The following SSR1 variants were observed in gnomAD, a reference collection of about 807,000 sequenced individuals.
SSR1 encodes the protein signal sequence receptor subunit 1.
In SSR1, 13 loss-of-function variants were observed where a neutral mutation model predicts 36.1. The observed-to-expected ratio is 0.36, with a 90% CI of 0.23 to 0.57. The LOEUF (loss-of-function observed/expected upper bound fraction) is 0.57, where lower values mean the gene tolerates loss of function less well. Among genes scored for constraint, SSR1 ranks in the 20% least tolerant of loss-of-function variants. The pLI is 0.81. For missense variants in SSR1, 291 were observed against 338.5 expected, an observed-to-expected ratio of 0.86 and a Z score of 1.10; for synonymous variants, 113 against 118.9, an observed-to-expected ratio of 0.95 and a Z score of 0.32.
intron 5 of SSR1, among the ~76,000 whole-genome samples, chr6:7,298,217 T>C (rs748539922): frequency 3.9e-5 from 6 of 152,186 alleles, no homozygotes; most frequent in African/African-American, 9.7e-5. Context: ...TGATTGAAAA[T>C]AGAATTACAA....
At chr6:7,302,487 C>T (rs1408399101) in intron 3 of SSR1, among the ~76,000 whole-genome samples, 1 of 152,154 alleles carries the variant, frequency 6.6e-6, no homozygotes, top group Non-Finnish European at 1.5e-5. Flanking sequence ...AGGCACTGGC[C>T]GGGTGTGGTG....
intron 1 of SSR1, 117 bp downstream of exon 1, chr6:7,312,925 G>A (rs1475518380): frequency 1.1e-5 from 12 of 1,049,734 alleles, no homozygotes; most frequent in Admixed American, 8.1e-5. Flanking sequence ...GCGGAGAGAG[G>A]CCAGCGGGGT....
chr6:7,299,862 C>G (rs1466813343), intron 4 of SSR1, among the ~76,000 whole-genome samples: 1 of 152,142 alleles, frequency 6.6e-6, no homozygotes, highest in Admixed American at 6.5e-5. Context: ...CTATTCTTCA[C>G]AAAGGTAGTA....
intron 1 of SSR1, among the ~76,000 whole-genome samples, chr6:7,311,372 A>T (rs1279912366): frequency 6.6e-6 from 1 of 152,264 alleles, no homozygotes; most frequent in African/African-American, 2.4e-5. Flanking sequence ...TGGATAAAAA[A>T]CATGGGAAGG....
At chr6:7,306,788 C>T (rs533831754) in intron 2 of SSR1, among the ~76,000 whole-genome samples, 1,840 of 151,494 alleles carry the variant, frequency 0.012, 20 homozygotes, top group Non-Finnish European at 0.017. Context: ...TGGTGGCGGG[C>T]GCCTATAATC....
At chr6:7,292,568 A>C (rs562088432) in intron 7 of SSR1, among the ~76,000 whole-genome samples, 1 of 151,564 alleles carries the variant, frequency 6.6e-6, no homozygotes, top group East Asian at 1.9e-4. Context: ...TTTTTCTCTT[A>C]GAGATGGGAG....
chr6:7,312,599 T>C (rs1396336644), intron 1 of SSR1, among the ~76,000 whole-genome samples: 1 of 152,140 alleles, frequency 6.6e-6, no homozygotes, highest in Non-Finnish European at 1.5e-5. Context: ...GCGTGGAAGC[T>C]AAAGACACGT....
chr6:7,308,360 A>G (rs917296189), intron 2 of SSR1, among the ~76,000 whole-genome samples: 2 of 152,238 alleles, frequency 1.3e-5, no homozygotes, highest in African/African-American at 4.8e-5. Flanking sequence ...AGTAAGTCAA[A>G]AAAGAAGCAG....
chr6:7,298,044 G>T, intron 5 of SSR1, 43 bp from the exon 6 acceptor site: 1 of 1,416,938 alleles, frequency 7.1e-7, no homozygotes, highest in Non-Finnish European at 9.9e-7. Context: ...TAATTCAGAG[G>T]AAATACCACG....
At chr6:7,310,168 T>A in intron 1 of SSR1, 139 bp from the exon 2 acceptor site, 1 of 612,088 alleles carries the variant, frequency 1.6e-6, no homozygotes, top group South Asian at 2.0e-5. Flanking sequence ...CCAATTACAA[T>A]GCACCGAAGA....
intron 4 of SSR1, among the ~76,000 whole-genome samples, chr6:7,299,570 T>C (rs970757457): frequency 2.0e-5 from 3 of 151,924 alleles, no homozygotes; most frequent in African/African-American, 7.3e-5. Flanking sequence ...TGGTTGCGCA[T>C]GCCTGTAATC....
chr6:7,289,672 A>T lies in SSR1; in HGVS notation c.*192T>A, dbSNP rs531982208. On this transcript the variant is annotated 3_prime_UTR_variant, in exon 8 of 8. Transcript: ENST00000244763. Reference sequence around the variant, plus strand: ...GATTTTAATGGTTTAAAAAAAAACCAAATTTGTTACTTTAGAAAAATGAAT... The same window carrying T: ...GATTTTAATGGTTTAAAAAAAAACCTAATTTGTTACTTTAGAAAAATGAAT... 1.5e-5 allele frequency: 9 copies of T among 585,354 alleles called. No individual in the cohort carries two copies. The Admixed American group carries it at 1.6e-4, about 11-fold the overall frequency. 36.3% of individuals were successfully genotyped at this position (585,354 alleles called of 1,614,324 possible). A position where few individuals can be genotyped will look rare whatever the true frequency, so the allele number is the denominator to read the frequency against.
chr6:7,301,609 A>T (rs1330846152), intron 3 of SSR1, 37 bp from the exon 4 acceptor site: 3 of 1,569,740 alleles, frequency 1.9e-6, no homozygotes, highest in Non-Finnish European at 1.7e-6. Flanking sequence ...ATTAGAACAC[A>T]TGGAAAGAGC....
In SSR1 at chr6:7,282,489, G is replaced by T. The variant is rs903612036; in HGVS notation, c.*7375C>A. On this transcript the variant is annotated 3_prime_UTR_variant, in exon 8 of 8. Coordinates refer to ENST00000244763, the MANE Select transcript of SSR1 (RefSeq NM_003144.5). ...CCTTGTGTGGACCACAAGCAGCACT[G>T]CAAAGTCCTCGCTGTAGAGAGAAGA... The T allele has an allele frequency of 6.6e-6, 1 of 152,292 alleles. No individual in the cohort carries two copies. Among genetic ancestry groups the T allele is most frequent in the Non-Finnish European group, 1.5e-5 (1 of 68,098 alleles). The allele number at this position is 152,292 out of a possible 1,614,324, so 9.4% of individuals were successfully genotyped here. A position where few individuals can be genotyped will look rare whatever the true frequency, so the allele number is the denominator to read the frequency against.
intron 7 of SSR1, among the ~76,000 whole-genome samples, chr6:7,293,308 T>C (rs1398226043): frequency 1.3e-5 from 2 of 152,128 alleles, no homozygotes; most frequent in Non-Finnish European, 2.9e-5. Context: ...AAGCTGTGTA[T>C]ACGATAACCC....
At chr6:7,298,937 T>TAG in intron 4 of SSR1, 114 bp from the exon 5 acceptor site, 1 of 765,674 alleles carries the variant, frequency 1.3e-6, no homozygotes, top group Non-Finnish European at 2.1e-6. Context: ...TCCCATCACT[T>TAG]AGAAGACTCA....
chr6:7,299,014 TA>T, intron 4 of SSR1, 191 bp from the exon 5 acceptor site: 1 of 574,152 alleles, frequency 1.7e-6, no homozygotes, highest in South Asian at 2.1e-5. Context: ...TCACATGAAA[TA>T]AAGTCTCTGG....
intron 6 of SSR1, chr6:7,296,897 TATTA>T (rs1201281086): frequency 7.2e-5 from 11 of 153,638 alleles, no homozygotes; most frequent in Admixed American, 6.5e-4. Context: ...AGGACTTGTT[TATTA>T]ATTAAGGATT....
At chr6:7,311,407 A>C (rs1758192707) in intron 1 of SSR1, among the ~76,000 whole-genome samples, 1 of 152,256 alleles carries the variant, frequency 6.6e-6, no homozygotes, top group African/African-American at 2.4e-5. Context: ...CCCAGGAGAA[A>C]CAGTTAAGGA....
Sources: allele counts gnomAD v4.1 joint callset (sites outside exome capture counted in the v4.1 genomes callset), GRCh38; gene constraint gnomAD v4.1.1; transcripts MANE v1.5; gene names NCBI Gene and HGNC (gene_info 2026-07-23, HGNC 2026-07-21).